The following CHTF18 variants were observed in gnomAD, a reference collection of about 807,000 sequenced individuals.
CHTF18 encodes the protein chromosome transmission fidelity factor 18.
Under a neutral mutation model 113.4 loss-of-function variants are expected in CHTF18, and 151 were observed. The observed-to-expected ratio is 1.33, with a 90% confidence interval of 1.17 to 1.52. CHTF18 has a LOEUF of 1.52. Ranked by LOEUF, CHTF18 falls within the 40% of genes most tolerant of loss-of-function variation. The pLI is 0.00. For synonymous variants in CHTF18, 916 were observed against 598.8 expected, an observed-to-expected ratio of 1.53 and a Z score of -7.74; for missense variants, 1,982 against 1,381.6, an observed-to-expected ratio of 1.43 and a Z score of -6.89.
chr16:789,431 C>T, intron 3 of CHTF18, 71 bp downstream of exon 3: 1 of 1,534,320 alleles, frequency 6.5e-7, no homozygotes. Flanking sequence ...ATCCCGTGCC[C>T]TGGATGAGGC....
At position 794,169 on chromosome 16, in the gene CHTF18, G is replaced by C. The variant is rs771205609; in HGVS notation, c.1918G>C (p.Ala640Pro). 5.6e-6 allele frequency: 9 copies of C among 1,612,264 alleles called. No individual in the cohort carries two copies. The South Asian group carries it at 9.9e-5, about 18-fold the overall frequency. The change falls in exon 15 of 22, where the codon GCC (alanine) becomes CCC (proline). Residue 640 changes from alanine (A) to proline (P), a missense_variant. Coordinates refer to ENST00000262315, the MANE Select transcript of CHTF18 (RefSeq NM_022092.3). ...QRFYRVLHAA[A>P]SAGEHEKVVQ... Reference sequence around the variant, plus strand: ...ATTCTACCGTGTCCTGCATGCCGCTGCCTCTGCGGGCGAGCACGAGAAGGT... The same window carrying C: ...ATTCTACCGTGTCCTGCATGCCGCTCCCTCTGCGGGCGAGCACGAGAAGGT...
At chr16:792,679 G>A in intron 11 of CHTF18, 39 bp from the exon 12 acceptor site, 4 of 1,583,754 alleles carry the variant, frequency 2.5e-6, no homozygotes, top group Non-Finnish European at 3.4e-6. Flanking sequence ...GGGCTGTGGT[G>A]CCAACCCTGG....
In CHTF18 at chr16:794,926, C is replaced by CGACCCCTTGGGCCCAGT. The variant is rs2042296286; in HGVS notation, c.1951-196_1951-180dup. Reference sequence around the variant, plus strand: ...AGGATGCTCAGGGTGGACCCTCCCCCGACCCCTTGGGCCCAGTGACCCCTT... The same window carrying CGACCCCTTGGGCCCAGT: ...AGGATGCTCAGGGTGGACCCTCCCCCGACCCCTTGGGCCCAGTGACCCCTTGGGCCCAGTGACCCCTT... On this transcript the variant is annotated intron_variant, in intron 15 of 21. Coordinates refer to ENST00000262315, the MANE Select transcript of CHTF18 (RefSeq NM_022092.3). 5 of 586,366 alleles carry CGACCCCTTGGGCCCAGT rather than the reference C, an allele frequency of 8.5e-6. No homozygotes were observed. In the East Asian group the frequency reaches 1.4e-4, roughly 17 times the overall value. The allele number at this position is 586,366 out of a possible 1,614,324, so 36.3% of individuals were successfully genotyped here.
chr16:795,170 C>G lies in CHTF18; in HGVS notation c.1989C>G (p.Asp663Glu), dbSNP rs1161700982. Residue 663 changes from aspartate to glutamate, a missense_variant, in exon 16 of 22, where the codon GAC (aspartate) becomes GAG (glutamate). Transcript: ENST00000262315. ...FDNFLRLRLR[D>E]SSLGAVCVAL... ...ACTTCCTGCGTCTGCGGCTGCGAGA[C>G]TCCAGCCTGGGTGCTGTGTGTGTGG... is the stretch of plus-strand genomic sequence containing the variant. The G allele has an allele frequency of 4.5e-6, 7 of 1,556,804 alleles. No homozygotes were observed. The highest frequency in any genetic ancestry group is 6.1e-6 in the Non-Finnish European group (7 of 1,150,570).
chr16:797,620 CG>C, intron 20 of CHTF18, 73 bp from the exon 21 acceptor site: 1 of 1,531,828 alleles, frequency 6.5e-7, no homozygotes, highest in Non-Finnish European at 9.0e-7. Context: ...GGAAGGCTCT[CG>C]GTCCTCCTGT....
Position 789,328 on chromosome 16 carries a change from C to T in CHTF18, c.405C>T (p.Ser135=), listed in dbSNP as rs749238545. The stretch of plus-strand genomic sequence containing the variant: ...CGACGGACATCACCCCGCCGCCGAG[C>T]CCTGAGGACCTCGCAGAGCTTTGGG... ...SSPTDITPPP[S]PEDLAELWGH... The change falls in exon 3 of 22, where the codon AGC becomes AGT. Residue 135 remains serine (S), a synonymous_variant. Transcript: ENST00000262315. 8.7e-6 allele frequency: 14 copies of T among 1,601,840 alleles called. No individual in the cohort carries two copies. In the East Asian group the frequency reaches 1.6e-4, roughly 18 times the overall value.
At position 793,149 on chromosome 16, in the gene CHTF18, G is replaced by A. The variant is rs767218961; in HGVS notation, c.1677G>A (p.Leu559=). The change falls in exon 14 of 22, where the codon CTG becomes CTA. Residue 559 remains leucine (L), a synonymous_variant. Coordinates refer to ENST00000262315, the MANE Select transcript of CHTF18 (RefSeq NM_022092.3). ...IRACINTLQF[L]YSRGQRELSV... The stretch of plus-strand genomic sequence containing the variant: ...TGCCCCCGCCCTATGTCTAGTTCCT[G>A]TACAGCCGGGGCCAGCGGGAGCTGA... 3 of 1,601,656 alleles carry A rather than the reference G, an allele frequency of 1.9e-6. No homozygotes were observed. Among genetic ancestry groups the A allele is most frequent in the Non-Finnish European group, 2.6e-6 (3 of 1,175,534 alleles).
chr16:793,642 G>C, intron 14 of CHTF18: 1 of 525,740 alleles, frequency 1.9e-6, no homozygotes, highest in Non-Finnish European at 3.5e-6. Flanking sequence ...CACACTGCTT[G>C]GCCTCCCGTG....
At position 793,151 on chromosome 16, in the gene CHTF18, A is replaced by G. The variant is rs750119286; in HGVS notation, c.1679A>G (p.Tyr560Cys). 34 of 1,602,128 alleles carry G rather than the reference A, an allele frequency of 2.1e-5. No homozygotes were observed. The highest frequency in any genetic ancestry group is 1.7e-5 in the Non-Finnish European group (20 of 1,175,858). Residue 560 changes from tyrosine to cysteine, a missense_variant, in exon 14 of 22, where the codon TAC becomes TGC. By Grantham distance (194) the Tyr-to-Cys change is radical. Coordinates refer to ENST00000262315, the MANE Select transcript of CHTF18 (RefSeq NM_022092.3). ...RACINTLQFL[Y>C]SRGQRELSVR... Reference sequence around the variant, plus strand: ...CCCCCGCCCTATGTCTAGTTCCTGTACAGCCGGGGCCAGCGGGAGCTGAGC... The same window carrying G: ...CCCCCGCCCTATGTCTAGTTCCTGTGCAGCCGGGGCCAGCGGGAGCTGAGC...
intron 14 of CHTF18, 71 bp downstream of exon 14, chr16:793,345 A>G: frequency 6.5e-7 from 1 of 1,548,448 alleles, no homozygotes; most frequent in Admixed American, 1.9e-5. Flanking sequence ...CCCTGTGTGC[A>G]GGCCAGCACT....
chr16:795,146 C>T lies in CHTF18; in HGVS notation c.1965C>T (p.Asn655=), dbSNP rs1291070921. 4 of 1,550,150 alleles carry T rather than the reference C, an allele frequency of 2.6e-6. No individual in the cohort carries two copies. The South Asian group carries it at 4.7e-5, about 18-fold the overall frequency. ...GCCGCCTGCAGGGCTTGTTTGACAA[C>T]TTCCTGCGTCTGCGGCTGCGAGACT... ...HEKVVQGLFD[N]FLRLRLRDSS... Residue 655 remains asparagine, a synonymous_variant, in exon 16 of 22, where the codon AAC becomes AAT. Coordinates refer to ENST00000262315, the MANE Select transcript of CHTF18 (RefSeq NM_022092.3).
At chr16:794,817 G>C (rs2042293196) in intron 15 of CHTF18, 2 of 411,552 alleles carry the variant, frequency 4.9e-6, no homozygotes. Flanking sequence ...AGTGAGGCTG[G>C]ATCCCTTTGG....
chr16:796,878 T>C lies in CHTF18; in HGVS notation c.2601+17T>C, dbSNP rs2042364008. On this transcript the variant is annotated intron_variant, in intron 19 of 21. Transcript: ENST00000262315. ...AGCCCCCAGGTGAGCCCACCCAGGCTCTGGAGCAGGTTGCAGTCTGGGCGT... is the reference window on the plus strand; with the variant it reads ...AGCCCCCAGGTGAGCCCACCCAGGCCCTGGAGCAGGTTGCAGTCTGGGCGT... 6.3e-7 allele frequency: 1 copy of C among 1,578,164 alleles called. No individual in the cohort carries two copies.
chr16:791,482 G>A, intron 8 of CHTF18, 112 bp downstream of exon 8: 1 of 1,451,088 alleles, frequency 6.9e-7, no homozygotes, highest in African/African-American at 1.4e-5. Context: ...GTGACGTGTG[G>A]GTCTTGGCGT....
intron 4 of CHTF18, 135 bp downstream of exon 4, chr16:789,850 C>A: frequency 7.6e-7 from 1 of 1,307,848 alleles, no homozygotes; most frequent in Non-Finnish European, 1.0e-6. Flanking sequence ...GGGGAGGCTG[C>A]GTCATGGGGC....
Position 792,280 on chromosome 16 carries a change from A to C in CHTF18, c.1259A>C (p.Glu420Ala), listed in dbSNP as rs754901729. Reference protein sequence around the residue: ...RTRIEAATQMESVLGAGGKPN... With the variant: ...RTRIEAATQMASVLGAGGKPN... ...CGCATCGAGGCGGCCACCCAGATGG[A>C]GTCGGTGCTGGGTGCTGGCGGGAAG... is the stretch of plus-strand genomic sequence containing the variant. Residue 420 changes from glutamate to alanine, a missense_variant, in exon 10 of 22, where the codon GAG becomes GCG. Transcript: ENST00000262315. 1.7e-5 allele frequency: 27 copies of C among 1,559,684 alleles called. 1 individual carries two copies. The South Asian group carries it at 2.4e-4, about 14-fold the overall frequency.
chr16:797,105 C>T lies in CHTF18; in HGVS notation c.2733+13C>T. 5 of 1,500,368 alleles carry T rather than the reference C, an allele frequency of 3.3e-6. No individual in the cohort carries two copies. Among genetic ancestry groups the T allele is most frequent in the Non-Finnish European group, 4.4e-6 (5 of 1,130,058 alleles). The allele number at this position is 1,500,368 out of a possible 1,614,324, so 92.9% of individuals were successfully genotyped here. On this transcript the variant is annotated intron_variant, in intron 20 of 21. Coordinates refer to ENST00000262315, the MANE Select transcript of CHTF18 (RefSeq NM_022092.3). ...CCGGGAGGAACAGGTGTGGAATGGG[C>T]AGCTGTGGGGGTGGGACCAGGGTAC...
rs774920975 is a variant in CHTF18, at chr16:796,083, TC to T, written c.2456+11del. ...TACATCTACAGGCTGGAGCCGTGAG[TC>T]CCCCAGTGCCTGGGGTGTGCTCCAG... On this transcript the variant is annotated splice_region_variant and intron_variant, in intron 18 of 21. Transcript: ENST00000262315. 1 of 1,597,766 alleles carries T rather than the reference TC, an allele frequency of 6.3e-7. No homozygotes were observed.
intron 7 of CHTF18, 135 bp from the exon 8 acceptor site, chr16:791,026 G>A: frequency 6.8e-7 from 1 of 1,478,020 alleles, no homozygotes; most frequent in East Asian, 2.5e-5. Context: ...GTCACTCGCT[G>A]GCAGGAAGAC....
Sources: gnomAD v4.1 joint callset for allele counts on GRCh38, gnomAD v4.1.1 for gene constraint, MANE v1.5 for transcripts, NCBI Gene and HGNC (gene_info 2026-07-23, HGNC 2026-07-21) for gene names.